The following SI variants were observed in gnomAD, a reference collection of about 807,000 sequenced individuals.
The protein encoded by SI is sucrase-isomaltase.
Under a neutral mutation model 253.3 loss-of-function variants are expected in SI, and 235 were observed. The ratio of observed to expected loss-of-function variants is 0.93; its 90% confidence interval spans 0.83 to 1.03. The LOEUF is 1.03. Ranked by LOEUF, SI falls within the 50% of genes least tolerant of loss-of-function variation. SI has a pLI of 0.00. For synonymous variants in SI, 819 were observed against 712.0 expected (o/e 1.15, Z -2.39); for missense variants, 2,442 against 2,211.1 (o/e 1.10, Z -2.09).
At chr3:165,032,940 T>C (rs930528118) in intron 23 of SI, among the ~76,000 whole-genome samples, 1 of 151,342 alleles carries the variant, frequency 6.6e-6, no homozygotes, top group Non-Finnish European at 1.5e-5. Context: ...CTCATTCTAG[T>C]CCTAACATTG....
intron 43 of SI, 75 bp from the exon 44 acceptor site, chr3:164,991,552 T>C (rs1717735054): frequency 6.8e-7 from 1 of 1,476,056 alleles, no homozygotes; most frequent in Non-Finnish European, 9.5e-7. Context: ...GTTGAGGATA[T>C]ACATTTTAAA....
intron 37 of SI, among the ~76,000 whole-genome samples, chr3:165,002,885 T>C (rs1347891918): frequency 6.6e-6 from 1 of 151,792 alleles, no homozygotes; most frequent in Non-Finnish European, 1.5e-5. Flanking sequence ...TGATTGAAAC[T>C]TGCACTGAAA....
intron 34 of SI, among the ~76,000 whole-genome samples, chr3:165,010,304 T>C (rs182061876): frequency 1.3e-5 from 2 of 151,994 alleles, no homozygotes; most frequent in East Asian, 3.9e-4. Context: ...GGATTACAGA[T>C]GTCCACCACC....
intron 34 of SI, among the ~76,000 whole-genome samples, chr3:165,011,052 G>T (rs1002613093): frequency 6.6e-6 from 1 of 151,988 alleles, no homozygotes; most frequent in African/African-American, 2.4e-5. Context: ...AATTCATCTG[G>T]CTAAAAGAAG....
chr3:164,994,160 C>T (rs1013129423), intron 41 of SI, 97 bp downstream of exon 41: 16 of 1,114,944 alleles, frequency 1.4e-5, no homozygotes, highest in Admixed American at 2.0e-5. Context: ...GAAAAACTGC[C>T]AATCTAAAAT....
chr3:165,050,002 A>G lies in SI; in HGVS notation c.1513-127T>C. On this transcript the variant is annotated intron_variant, in intron 13 of 47. Transcript: ENST00000264382. ...TAATGCTCGTTAATTCCTAGAAGAT[A>G]AATATAAGCTACCAACCTAAAAATA... The G allele has an allele frequency of 4.5e-6, 3 of 666,552 alleles. No homozygotes were observed. The South Asian group carries it at 5.1e-5, about 11-fold the overall frequency. The allele number at this position is 666,552 out of a possible 1,614,324, so 41.3% of individuals were successfully genotyped here.
chr3:165,046,750 T>C, intron 16 of SI, 91 bp downstream of exon 16: 1 of 1,104,012 alleles, frequency 9.1e-7, no homozygotes, highest in Non-Finnish European at 1.3e-6. Flanking sequence ...GTAACATGCC[T>C]TTTGATCATT....
chr3:165,015,978 C>T lies in SI; in HGVS notation c.3862G>A (p.Glu1288Lys). The change falls in exon 32 of 48, where the codon GAA becomes AAA. Residue 1288 changes from glutamate to lysine, a missense_variant. Physicochemically the swap from Glu to Lys is moderately conservative, Grantham distance 56 (BLOSUM62 1). Coordinates refer to ENST00000264382, the MANE Select transcript of SI (RefSeq NM_001041.4). ...LPQFVDKIRG[E>K]GMRYIIILDP... ...AGGATAATAATGTATCTCATTCCTT[C>T]TCCTCTTATTTTGTCAACAAACTGA... 1.9e-6 allele frequency: 3 copies of T among 1,610,628 alleles called. No individual in the cohort carries two copies. Among genetic ancestry groups the T allele is most frequent in the South Asian group, 1.1e-5 (1 of 91,026 alleles).
At chr3:164,986,875 T>C (rs763069311) in intron 45 of SI, among the ~76,000 whole-genome samples, 3 of 152,208 alleles carry the variant, frequency 2.0e-5, no homozygotes, top group Non-Finnish European at 2.9e-5. Context: ...ACAAAGATAA[T>C]AGATACATAA....
At chr3:165,066,330 A>G (rs1714245780) in intron 6 of SI, among the ~76,000 whole-genome samples, 1 of 151,944 alleles carries the variant, frequency 6.6e-6, no homozygotes, top group Non-Finnish European at 1.5e-5. Context: ...GCAGTCTCCC[A>G]TGGATACTGA....
At chr3:165,039,766 G>C in intron 19 of SI, 121 bp downstream of exon 19, 1 of 754,618 alleles carries the variant, frequency 1.3e-6, no homozygotes, top group South Asian at 1.5e-5. Context: ...ATTCCAACTT[G>C]ATGTTTATCA....
At chr3:165,035,922 A>T (rs1394158530) in intron 22 of SI, among the ~76,000 whole-genome samples, 1 of 151,762 alleles carries the variant, frequency 6.6e-6, no homozygotes, top group Non-Finnish European at 1.5e-5. Flanking sequence ...TCAATTAAAG[A>T]TAATAAGGAA....
chr3:165,037,920 T>C lies in SI; in HGVS notation c.2406A>G (p.Pro802=), dbSNP rs1295075984. The C allele has an allele frequency of 1.2e-6, 2 of 1,608,884 alleles. No individual in the cohort carries two copies. The highest frequency in any genetic ancestry group is 2.2e-5 in the South Asian group (2 of 90,836). Residue 802 remains proline, a synonymous_variant, in exon 21 of 48, where the codon CCA becomes CCG. Transcript: ENST00000264382. ...TTTACCTTGCTGTTGTTGTTACATC[T>C]GGTTCTTGAATGGGGATGATATAAC... The part of the protein sequence containing the change: ...RGGYIIPIQE[P]DVTTTASRKN...
chr3:165,067,425 T>C lies in SI; in HGVS notation c.550A>G (p.Thr184Ala). Residue 184 changes from threonine (T) to alanine (A), a missense_variant, in exon 6 of 48, where the codon ACA becomes GCA. Coordinates refer to ENST00000264382, the MANE Select transcript of SI (RefSeq NM_001041.4). ...ACATCATACAACGTATCAGAAACTGTGGGTCCAGTAAACTCTTTTACATAC... is the reference window on the plus strand; with the variant it reads ...ACATCATACAACGTATCAGAAACTGCGGGTCCAGTAAACTCTTTTACATAC... ...HQYVKEFTGP[T>A]VSDTLYDVKV... 3 of 1,611,946 alleles carry C rather than the reference T, an allele frequency of 1.9e-6. No individual in the cohort carries two copies. Among genetic ancestry groups the C allele is most frequent in the Non-Finnish European group, 2.5e-6 (3 of 1,178,250 alleles).
chr3:164,996,222 C>T (rs779792787), intron 40 of SI, among the ~76,000 whole-genome samples: 1 of 151,726 alleles, frequency 6.6e-6, no homozygotes, highest in Admixed American at 6.6e-5. Context: ...TTTTAAAGGC[C>T]AGCTCTGTCT....
intron 26 of SI, among the ~76,000 whole-genome samples, chr3:165,021,648 A>G (rs2108184362): frequency 6.6e-6 from 1 of 151,820 alleles, no homozygotes; most frequent in East Asian, 1.9e-4. Context: ...AATCAAAACA[A>G]AAATTTTAGA....
intron 16 of SI, 114 bp downstream of exon 16, chr3:165,046,727 C>T: frequency 1.1e-6 from 1 of 874,450 alleles, no homozygotes; most frequent in South Asian, 1.7e-5. Flanking sequence ...AAATAAAAAA[C>T]TGAATTATTT....
Position 165,046,938 on chromosome 3 carries a change from T to A in SI, c.1790A>T (p.His597Leu). ...ATTGTCTCCTAACCAATGCGCAGCA[T>A]GTCTTCCAGATCCAGCAAATGTTGA... is the stretch of plus-strand genomic sequence containing the variant. ...TRSTFAGSGRHAAHWLGDNTA... is the reference protein window; with the variant it reads ...TRSTFAGSGRLAAHWLGDNTA... Residue 597 changes from histidine (H) to leucine (L), a missense_variant, in exon 16 of 48, where the codon CAT (histidine) becomes CTT (leucine). His to Leu is a moderately conservative substitution (Grantham distance 99). Coordinates refer to ENST00000264382, the MANE Select transcript of SI (RefSeq NM_001041.4). 1 of 1,612,850 alleles carries A rather than the reference T, an allele frequency of 6.2e-7. No homozygotes were observed. Among genetic ancestry groups the A allele is most frequent in the Non-Finnish European group, 8.5e-7 (1 of 1,179,334 alleles).
At chr3:165,030,448 T>G (rs1245315457) in intron 25 of SI, among the ~76,000 whole-genome samples, 1 of 150,924 alleles carries the variant, frequency 6.6e-6, no homozygotes, top group Non-Finnish European at 1.5e-5. Context: ...AGAGTATTAT[T>G]TTTTTAAGTA....
Sources: allele counts gnomAD v4.1 joint callset (sites outside exome capture counted in the v4.1 genomes callset), GRCh38; gene constraint gnomAD v4.1.1; transcripts MANE v1.5; gene names NCBI Gene and HGNC (gene_info 2026-07-23, HGNC 2026-07-21).